The following BRD7 variants were observed in gnomAD, a reference collection of about 807,000 sequenced individuals.
The protein encoded by BRD7 is bromodomain containing 7.
In BRD7, 15 loss-of-function variants were observed where a neutral mutation model predicts 82.1. The ratio of observed to expected loss-of-function variants is 0.18; its 90% confidence interval spans 0.12 to 0.28. BRD7 has a LOEUF of 0.28. BRD7 is among the 10% of genes least tolerant of loss of function. BRD7 has a pLI of 1.00. For synonymous variants in BRD7, 232 were observed against 266.9 expected (o/e 0.87, Z 1.27); for missense variants, 638 against 779.9 (o/e 0.82, Z 2.17).
Position 50,344,638 on chromosome 16 carries a change from G to A in BRD7, c.592-4552C>T, listed in dbSNP as rs578074944. On this transcript the variant is annotated intron_variant, in intron 5 of 16. Coordinates refer to ENST00000394688, the MANE Select transcript of BRD7 (RefSeq NM_013263.5). ...GATGCATGCACAAGTTTCAGTAGCCGATTTGATCAAGTGGAAGAAAGGGTA... is the reference window on the plus strand; with the variant it reads ...GATGCATGCACAAGTTTCAGTAGCCAATTTGATCAAGTGGAAGAAAGGGTA... Among the ~76,000 whole-genome samples the A allele has an allele frequency of 6.6e-5, 10 of 152,290 alleles. No individual in the cohort carries two copies. In the East Asian group the frequency reaches 1.9e-3, roughly 29 times the overall value.
Position 50,320,302 on chromosome 16 carries a change from G to T in BRD7, c.1702C>A (p.Pro568Thr), listed in dbSNP as rs776525764. Residue 568 changes from proline to threonine, a missense_variant, in exon 15 of 17, where the codon CCC (proline) becomes ACC (threonine). Transcript: ENST00000394688. ...EAQNERLSTR[P>T]PPNMICLLGP... The stretch of plus-strand genomic sequence containing the variant: ...AAGAGACAGATCATGTTCGGAGGGG[G>T]TCTGGTGCTCAAACGTTCATTCTGG... 2.8e-5 allele frequency: 46 copies of T among 1,614,056 alleles called. No homozygotes were observed. The highest frequency in any genetic ancestry group is 3.7e-5 in the Non-Finnish European group (44 of 1,180,034).
intron 12 of BRD7, 82 bp downstream of exon 12, chr16:50,323,503 TAA>T: frequency 3.4e-6 from 4 of 1,162,634 alleles, no homozygotes; most frequent in Non-Finnish European, 5.1e-6. Context: ...TCATACTTGT[TAA>T]TCCCATGGTT....
intron 5 of BRD7, among the ~76,000 whole-genome samples, chr16:50,341,994 GAATA>G (rs2038083344): frequency 1.3e-5 from 2 of 149,198 alleles, no homozygotes; most frequent in African/African-American, 5.0e-5. Context: ...CAAATGAACT[GAATA>G]AATATTACTT....
intron 5 of BRD7, among the ~76,000 whole-genome samples, chr16:50,344,786 T>A (rs1348337310): frequency 6.6e-6 from 1 of 152,164 alleles, no homozygotes; most frequent in Non-Finnish European, 1.5e-5. Context: ...CAAATCTACA[T>A]CTGATTGGTG....
intron 15 of BRD7, 78 bp downstream of exon 15, chr16:50,320,170 G>A: frequency 5.2e-6 from 8 of 1,545,466 alleles, no homozygotes; most frequent in Non-Finnish European, 7.0e-6. Context: ...TTACTCTATA[G>A]TGGCATCACC....
intron 4 of BRD7, among the ~76,000 whole-genome samples, chr16:50,353,079 T>TTTA (rs1054779404): frequency 6.6e-6 from 1 of 152,004 alleles, no homozygotes; most frequent in African/African-American, 2.4e-5. Flanking sequence ...TTCTTTTTTT[T>TTTA]TTTTTTTTAG....
rs139759401 is a variant in BRD7 at position 50,367,024 on chromosome 16, C to T, written c.258+1066G>A. Among the ~76,000 whole-genome samples the T allele has an allele frequency of 7.3e-3, 1,111 of 152,250 alleles. 4 individuals carry two copies. Among genetic ancestry groups the T allele is most frequent in the Non-Finnish European group, 9.4e-3 (638 of 68,006 alleles). The stretch of plus-strand genomic sequence containing the variant: ...ACTGGGACAAAAGGGAAGGAATAGA[C>T]TTAAGAAATCCCCAAAATAAGATCT... On this transcript the variant is annotated intron_variant, in intron 2 of 16. Transcript: ENST00000394688.
chr16:50,320,877 T>C, intron 13 of BRD7, 103 bp from the exon 14 acceptor site: 1 of 773,044 alleles, frequency 1.3e-6, no homozygotes, highest in South Asian at 1.5e-5. Context: ...AAAGTTATTC[T>C]ACCTATTTAC....
intron 11 of BRD7, among the ~76,000 whole-genome samples, chr16:50,325,024 G>A (rs535590128): frequency 5.9e-5 from 9 of 152,312 alleles, no homozygotes; most frequent in African/African-American, 2.2e-4. Flanking sequence ...GAGAAAAGCA[G>A]GGGACTGGTG....
chr16:50,343,760 G>A (rs957510745), intron 5 of BRD7, among the ~76,000 whole-genome samples: 2 of 152,188 alleles, frequency 1.3e-5, no homozygotes, highest in East Asian at 1.9e-4. Context: ...GGGGAGGGGC[G>A]CCCACCACTG....
chr16:50,338,707 T>C (rs1224665685), intron 6 of BRD7, among the ~76,000 whole-genome samples: 1 of 152,216 alleles, frequency 6.6e-6, no homozygotes, highest in African/African-American at 2.4e-5. Context: ...ATCAGAACAG[T>C]AATGCTAGAA....
At position 50,319,059 on chromosome 16, in the gene BRD7, T is replaced by C. The variant is rs2036950909; in HGVS notation, c.*152A>G. Reference sequence around the variant, plus strand: ...GAGTCCCAGGTCCAGCTTTATTACCTAATACAAGTCCAACCTCTGGAACAT... The same window carrying C: ...GAGTCCCAGGTCCAGCTTTATTACCCAATACAAGTCCAACCTCTGGAACAT... On this transcript the variant is annotated 3_prime_UTR_variant, in exon 17 of 17. Transcript: ENST00000394688. 1 of 706,290 alleles carries C rather than the reference T, an allele frequency of 1.4e-6. No individual in the cohort carries two copies. The allele number at this position is 706,290 out of a possible 1,614,324, so 43.8% of individuals were successfully genotyped here.
intron 2 of BRD7, among the ~76,000 whole-genome samples, chr16:50,360,103 T>C (rs1056673351): frequency 4.6e-5 from 7 of 152,216 alleles, no homozygotes; most frequent in Non-Finnish European, 8.8e-5. Context: ...CCGAACCACA[T>C]TATTCACTCA....
intron 5 of BRD7, among the ~76,000 whole-genome samples, chr16:50,348,122 C>T (rs1483302609): frequency 6.6e-6 from 1 of 152,214 alleles, no homozygotes; most frequent in Non-Finnish European, 1.5e-5. Flanking sequence ...CTACAACCAT[C>T]TGATCTTTGA....
chr16:50,368,383 G>A lies in BRD7; in HGVS notation c.50-85C>T, dbSNP rs34919714. The A allele has an allele frequency of 2.8e-6, 4 of 1,419,080 alleles. No homozygotes were observed. The Admixed American group carries it at 8.9e-5, about 32-fold the overall frequency. 87.9% of individuals were successfully genotyped at this position (1,419,080 alleles called of 1,614,324 possible). A position where few individuals can be genotyped will look rare whatever the true frequency, so the allele number is the denominator to read the frequency against. ...GAGTGCTAAGGATGCAGAGCGCCAAGGCGCAGCAAGCCCGAGGCGGCTTTG... is the reference window on the plus strand; with the variant it reads ...GAGTGCTAAGGATGCAGAGCGCCAAAGCGCAGCAAGCCCGAGGCGGCTTTG... On this transcript the variant is annotated intron_variant, in intron 1 of 16. Transcript: ENST00000394688.
At chr16:50,338,783 A>T (rs1026799323) in intron 6 of BRD7, among the ~76,000 whole-genome samples, 1 of 152,178 alleles carries the variant, frequency 6.6e-6, no homozygotes, top group Non-Finnish European at 1.5e-5. Context: ...CAGGGTAGTT[A>T]ATGTCTTGCC....
chr16:50,352,236 A>G (rs889016432), intron 4 of BRD7, among the ~76,000 whole-genome samples: 8 of 152,260 alleles, frequency 5.3e-5, no homozygotes, highest in African/African-American at 1.7e-4. Context: ...TGAGGGCGGT[A>G]TATCTCACAA....
intron 2 of BRD7, among the ~76,000 whole-genome samples, chr16:50,365,157 C>T (rs981817054): frequency 2.1e-5 from 3 of 141,832 alleles, no homozygotes; most frequent in South Asian, 2.3e-4. Context: ...CTCCAAATCT[C>T]GAGACGAGCC....
chr16:50,352,291 A>G (rs183412039), intron 4 of BRD7, among the ~76,000 whole-genome samples: 1 of 152,370 alleles, frequency 6.6e-6, no homozygotes, highest in Admixed American at 6.5e-5. Context: ...CTACAAAAGG[A>G]TCGTGCAGTA....
Sources: gnomAD v4.1 joint callset for allele counts (sites outside exome capture counted in the v4.1 genomes callset) on GRCh38, gnomAD v4.1.1 for gene constraint, MANE v1.5 for transcripts, NCBI Gene and HGNC (gene_info 2026-07-23, HGNC 2026-07-21) for gene names.